PSMC2: variants seen among roughly 807,000 people sequenced by gnomAD.
PSMC2 encodes the protein 26S proteasome regulatory subunit 7.
PSMC2 carries 7 observed loss-of-function variants against 53.3 expected under a neutral mutation model. The observed-to-expected ratio is 0.13, with a 90% CI of 0.07 to 0.25. PSMC2 has a LOEUF of 0.25. PSMC2 is among the 10% of genes least tolerant of loss of function. The pLI is 1.00. For missense variants in PSMC2, 241 were observed against 544.0 expected (o/e 0.44, Z 5.54); for synonymous variants, 169 against 183.9 (o/e 0.92, Z 0.66).
At chr7:103,352,005 GC>G (rs1283844919) in intron 1 of PSMC2, among the ~76,000 whole-genome samples, 1 of 151,610 alleles carries the variant, frequency 6.6e-6, no homozygotes, top group Non-Finnish European at 1.5e-5. Context: ...ATCTCAGCGA[GC>G]TAATTCTTCC....
intron 1 of PSMC2, among the ~76,000 whole-genome samples, chr7:103,349,362 T>G (rs921556679): frequency 1.2e-4 from 18 of 152,240 alleles, no homozygotes; most frequent in Non-Finnish European, 2.6e-4. Flanking sequence ...TCTCTGGGTT[T>G]GTTCTTCTGT....
chr7:103,347,648 A>C lies in PSMC2; in HGVS notation c.-64A>C. 1.3e-6 allele frequency: 2 copies of C among 1,585,214 alleles called. No individual in the cohort carries two copies. The highest frequency in any genetic ancestry group is 1.7e-6 in the Non-Finnish European group (2 of 1,154,486). On this transcript the variant is annotated 5_prime_UTR_variant, in exon 1 of 12. Coordinates refer to ENST00000292644, the MANE Select transcript of PSMC2 (RefSeq NM_002803.4). ...CCGGTGGGGAAGGGAAAGGGAAGAC[A>C]CCACCGGAAGCAAGGAAGGTGCTGT...
chr7:103,361,872 G>A, intron 4 of PSMC2, 85 bp from the exon 5 acceptor site: 1 of 1,341,876 alleles, frequency 7.5e-7, no homozygotes, highest in South Asian at 1.5e-5. Context: ...CCTGTATATT[G>A]CACACTCAGG....
In PSMC2 at chr7:103,352,215, T is replaced by TTAAAA. The variant is rs1441758445; in HGVS notation, c.71-1706_71-1705insTAAAA. Among the ~76,000 whole-genome samples, 34 of 40,622 alleles carry TTAAAA rather than the reference T, an allele frequency of 8.4e-4. 3 individuals carry two copies. The highest frequency in any genetic ancestry group is 3.5e-3 in the South Asian group (2 of 564). 26.6% of individuals were successfully genotyped at this position (40,622 alleles called of 152,430 possible). ...TTTCCTACCTCTACTCATACTTAGT[T>TTAAAA]AAAAAAAAAAAAAAAAAAAAAAAAA... is the stretch of plus-strand genomic sequence containing the variant. On this transcript the variant is annotated intron_variant, in intron 1 of 11. Transcript: ENST00000292644.
chr7:103,349,746 A>G (rs1819687719), intron 1 of PSMC2, among the ~76,000 whole-genome samples: 1 of 152,188 alleles, frequency 6.6e-6, no homozygotes, highest in Non-Finnish European at 1.5e-5. Flanking sequence ...CACCGCGTCT[A>G]GCCTGATTAA....
At chr7:103,354,832 C>T in intron 2 of PSMC2, 36 bp from the exon 3 acceptor site, 1 of 1,335,268 alleles carries the variant, frequency 7.5e-7, no homozygotes, top group African/African-American at 1.5e-5. Context: ...TGGTTGATAT[C>T]CTGATATTCT....
At chr7:103,349,949 A>G (rs1332099295) in intron 1 of PSMC2, among the ~76,000 whole-genome samples, 1 of 152,190 alleles carries the variant, frequency 6.6e-6, no homozygotes, top group African/African-American at 2.4e-5. Flanking sequence ...AATCCACTTA[A>G]GAGTTCTCTT....
Position 103,354,959 on chromosome 7 carries a change from T to G in PSMC2, c.190+10T>G. ...ATTAATGAGCTCACTGGTATGTATT[T>G]TTAAATTCCCATTTCCTTCCTTTAA... On this transcript the variant is annotated intron_variant, in intron 3 of 11. Transcript: ENST00000292644. 6.4e-7 allele frequency: 1 copy of G among 1,556,940 alleles called. No individual in the cohort carries two copies. The highest frequency in any genetic ancestry group is 2.2e-5 in the East Asian group (1 of 44,518).
chr7:103,355,864 G>T, intron 4 of PSMC2, 71 bp downstream of exon 4: 1 of 1,044,666 alleles, frequency 9.6e-7, no homozygotes, highest in Non-Finnish European at 1.4e-6. Flanking sequence ...GAGTCTCAGG[G>T]ATAATGCAAT....
At chr7:103,352,624 T>C in intron 1 of PSMC2, 1 of 468,936 alleles carries the variant, frequency 2.1e-6, no homozygotes, top group East Asian at 4.2e-5. Flanking sequence ...AGGCTGCTCT[T>C]GAACGCCTGG....
intron 6 of PSMC2, among the ~76,000 whole-genome samples, chr7:103,362,977 A>G (rs143877049): frequency 0.048 from 7,323 of 151,858 alleles, 236 homozygotes; most frequent in African/African-American, 0.08. Flanking sequence ...TATTTTTAGT[A>G]GAGACGGTGT....
chr7:103,363,775 G>A (rs1464127778), intron 7 of PSMC2, among the ~76,000 whole-genome samples: 1 of 152,178 alleles, frequency 6.6e-6, no homozygotes, highest in Non-Finnish European at 1.5e-5. Flanking sequence ...GGCTTAAATT[G>A]AAGCAGGTTA....
intron 8 of PSMC2, 149 bp downstream of exon 8, chr7:103,364,456 T>C: frequency 1.2e-6 from 1 of 834,176 alleles, no homozygotes; most frequent in Non-Finnish European, 1.8e-6. Context: ...TTGCCCAGGC[T>C]GGAGTGCAGT....
At chr7:103,353,634 G>T (rs1390147020) in intron 1 of PSMC2, among the ~76,000 whole-genome samples, 1 of 152,150 alleles carries the variant, frequency 6.6e-6, no homozygotes, top group Non-Finnish European at 1.5e-5. Flanking sequence ...TATGACTATG[G>T]TATAATTTAA....
chr7:103,364,958 C>CATATATATATATATATAT lies in PSMC2; in HGVS notation c.756+660_756+677dup, dbSNP rs59914167. On this transcript the variant is annotated intron_variant, in intron 8 of 11. Coordinates refer to ENST00000292644, the MANE Select transcript of PSMC2 (RefSeq NM_002803.4). ...GGTTGTTTTTATGTTTGTAGACATA[C>CATATATATATATATATAT]ATATATATATATATATATATATATA... Among the ~76,000 whole-genome samples, 1,232 of 125,290 alleles carry CATATATATATATATATAT rather than the reference C, an allele frequency of 9.8e-3. 13 individuals are homozygous for CATATATATATATATATAT. The highest frequency in any genetic ancestry group is 0.016 in the South Asian group (62 of 3,898). 82.2% of individuals were successfully genotyped at this position (125,290 alleles called of 152,430 possible).
In PSMC2 at chr7:103,347,654, G is replaced by A; in HGVS notation, c.-58G>A. The stretch of plus-strand genomic sequence containing the variant: ...GGGAAGGGAAAGGGAAGACACCACC[G>A]GAAGCAAGGAAGGTGCTGTGTAATC... On this transcript the variant is annotated 5_prime_UTR_variant, in exon 1 of 12. Coordinates refer to ENST00000292644, the MANE Select transcript of PSMC2 (RefSeq NM_002803.4). 6.3e-7 allele frequency: 1 copy of A among 1,595,466 alleles called. No homozygotes were observed. Among genetic ancestry groups the A allele is most frequent in the South Asian group, 1.1e-5 (1 of 90,570 alleles).
intron 4 of PSMC2, among the ~76,000 whole-genome samples, chr7:103,358,567 T>G (rs1025206298): frequency 2.6e-5 from 4 of 151,492 alleles, no homozygotes; most frequent in Non-Finnish European, 4.4e-5. Flanking sequence ...TCTGTTGATG[T>G]TTTTTTCCTC....
At chr7:103,366,505 T>G (rs1033606818) in intron 9 of PSMC2, among the ~76,000 whole-genome samples, 2 of 152,216 alleles carry the variant, frequency 1.3e-5, no homozygotes, top group Non-Finnish European at 1.5e-5. Context: ...TCTGAAAACC[T>G]GAAATCTAAA....
At chr7:103,348,667 G>A (rs1444129698) in intron 1 of PSMC2, 23 of 1,579,644 alleles carry the variant, frequency 1.5e-5, no homozygotes, top group Admixed American at 3.4e-5. Flanking sequence ...CTCTTGTCGC[G>A]TCTGTTCAAA....
Sources: gnomAD v4.1 joint callset for allele counts (sites outside exome capture counted in the v4.1 genomes callset) on GRCh38, gnomAD v4.1.1 for gene constraint, MANE v1.5 for transcripts, NCBI Gene and HGNC (gene_info 2026-07-23, HGNC 2026-07-21) for gene names.